Variants in MSR1 observed in about 807,000 individuals in gnomAD.
MSR1 encodes macrophage scavenger receptor types I and II.
Under a neutral mutation model 47.2 loss-of-function variants are expected in MSR1, and 53 were observed. The observed-to-expected ratio is 1.12, with a 90% CI of 0.90 to 1.41. MSR1 has a LOEUF of 1.41. MSR1 is among the 40% of genes most tolerant of loss of function. The probability of loss-of-function intolerance (pLI) is 0.00; values close to 1 mark genes in which losing one functional copy is unlikely to be tolerated. For missense variants in MSR1, 786 were observed against 546.9 expected, an observed-to-expected ratio of 1.44 and a Z score of -4.36; for synonymous variants, 239 against 185.6, an observed-to-expected ratio of 1.29 and a Z score of -2.34.
At chr8:16,150,718 A>C (rs1449410380) in intron 6 of MSR1, among the ~76,000 whole-genome samples, 2 of 152,076 alleles carry the variant, frequency 1.3e-5, no homozygotes, top group African/African-American at 4.8e-5. Flanking sequence ...AATGCAACTC[A>C]AGCAATGTAA....
At chr8:16,186,024 C>T in intron 1 of MSR1, 1 of 738,752 alleles carries the variant, frequency 1.4e-6, no homozygotes, top group Non-Finnish European at 2.2e-6. Flanking sequence ...GCAAGAAATC[C>T]ATAACCTGCC....
rs5889637 is a variant in MSR1 at position 16,186,637 on chromosome 8, C to CTT, written c.-5+5959_-5+5960dup. On this transcript the variant is annotated intron_variant, in intron 1 of 9. Transcript: ENST00000262101. ...CATCATCCCTTTCACCGTGACATTTCTTTTTTTTTTTTTTGAGACAAGGTC... is the reference window on the plus strand; with the variant it reads ...CATCATCCCTTTCACCGTGACATTTCTTTTTTTTTTTTTTTTGAGACAAGGTC... Among the ~76,000 whole-genome samples the CTT allele has an allele frequency of 9.3e-4, 133 of 143,766 alleles. 1 individual carries two copies. Among genetic ancestry groups the CTT allele is most frequent in the Middle Eastern group, 3.5e-3 (1 of 282 alleles). The allele number at this position is 143,766 out of a possible 152,430, so 94.3% of individuals were successfully genotyped here.
intron 8 of MSR1, among the ~76,000 whole-genome samples, chr8:16,122,418 C>T (rs1328384869): frequency 6.6e-6 from 1 of 152,088 alleles, no homozygotes; most frequent in Non-Finnish European, 1.5e-5. Context: ...ATATATTTAT[C>T]ATGCATGCAT....
intron 2 of MSR1, 74 bp from the exon 3 acceptor site, chr8:16,175,374 C>T (rs1428969414): frequency 8.4e-7 from 1 of 1,185,816 alleles, no homozygotes; most frequent in Non-Finnish European, 1.2e-6. Context: ...GTTTTAATCT[C>T]CAATTATATT....
intron 1 of MSR1, among the ~76,000 whole-genome samples, chr8:16,187,199 T>C (rs1802027065): frequency 6.6e-6 from 1 of 150,980 alleles, no homozygotes; most frequent in Non-Finnish European, 1.5e-5. Context: ...CTGTCTCTAC[T>C]AAAAATACAA....
chr8:16,171,427 C>T (rs1411148066), intron 3 of MSR1, among the ~76,000 whole-genome samples: 2 of 151,854 alleles, frequency 1.3e-5, no homozygotes, highest in African/African-American at 2.4e-5. Context: ...ATGTGATCTA[C>T]AATAGAGTTT....
rs1170761961 is a variant in MSR1, at chr8:16,179,899, A to G, written c.-4-1907T>C. Among the ~76,000 whole-genome samples, 3 of 142,910 alleles carry G rather than the reference A, an allele frequency of 2.1e-5. No homozygotes were observed. The East Asian group carries it at 6.9e-4, about 33-fold the overall frequency. The allele number at this position is 142,910 out of a possible 152,430, so 93.8% of individuals were successfully genotyped here. ...TGTCTCAAAAAAAAAAAAAAAAAAA[A>G]AAAAGTATTTATTTATTTATTTACT... On this transcript the variant is annotated intron_variant, in intron 1 of 9. Coordinates refer to ENST00000262101, the MANE Select transcript of MSR1 (RefSeq NM_138715.3).
chr8:16,126,611 G>A (rs1434671027), intron 8 of MSR1, among the ~76,000 whole-genome samples: 1 of 152,158 alleles, frequency 6.6e-6, no homozygotes, highest in East Asian at 1.9e-4. Context: ...TCAGATACCT[G>A]AAGAAACTGA....
At chr8:16,188,619 C>T (rs1175996085) in intron 1 of MSR1, among the ~76,000 whole-genome samples, 2 of 152,000 alleles carry the variant, frequency 1.3e-5, no homozygotes, top group Admixed American at 6.6e-5. Flanking sequence ...GGTTTTAAGT[C>T]CCACATGCAT....
chr8:16,179,588 A>C (rs1474612194), intron 1 of MSR1, among the ~76,000 whole-genome samples: 1 of 152,110 alleles, frequency 6.6e-6, no homozygotes, highest in African/African-American at 2.4e-5. Context: ...TTTTAAGAAA[A>C]TTATTTATTG....
chr8:16,157,368 T>C (rs1330163535), intron 5 of MSR1, among the ~76,000 whole-genome samples: 4 of 151,870 alleles, frequency 2.6e-5, no homozygotes, highest in East Asian at 3.9e-4. Context: ...ATCAGTATTA[T>C]TTTACAAAAT....
At position 16,168,886 on chromosome 8, in the gene MSR1, A is replaced by C. The variant is rs1430338517; in HGVS notation, c.218-16T>G. ...AGGAGTTGAGCTGTATATTTAAGTA[A>C]AAATAAACCAGTCATGGCCTGATCC... On this transcript the variant is annotated splice_polypyrimidine_tract_variant and intron_variant, in intron 3 of 9. Transcript: ENST00000262101. 2.5e-6 allele frequency: 4 copies of C among 1,609,202 alleles called. No homozygotes were observed. The South Asian group carries it at 4.4e-5, about 18-fold the overall frequency.
rs550446450 is a variant in MSR1 at position 16,191,560 on chromosome 8, G to A, written c.-5+1038C>T. ...TGAGCTTTTCTTATTTTGTTCTCAC[G>A]GAATCTTCATGAGGTACAAGTAGTA... is the stretch of plus-strand genomic sequence containing the variant. On this transcript the variant is annotated intron_variant, in intron 1 of 9. Coordinates refer to ENST00000262101, the MANE Select transcript of MSR1 (RefSeq NM_138715.3). Among the ~76,000 whole-genome samples the A allele has an allele frequency of 1.7e-4, 25 of 147,444 alleles. No individual in the cohort carries two copies. The South Asian group carries it at 3.8e-3, about 22-fold the overall frequency.
intron 5 of MSR1, among the ~76,000 whole-genome samples, chr8:16,160,519 C>G (rs1218004837): frequency 6.6e-6 from 1 of 151,970 alleles, no homozygotes; most frequent in East Asian, 1.9e-4. Context: ...AGCTCACATT[C>G]TGCTGGAGAA....
At chr8:16,162,180 C>G (rs981113183) in intron 5 of MSR1, among the ~76,000 whole-genome samples, 1 of 151,896 alleles carries the variant, frequency 6.6e-6, no homozygotes, top group Non-Finnish European at 1.5e-5. Flanking sequence ...GAATGACAAA[C>G]AGATTGGTGG....
intron 8 of MSR1, among the ~76,000 whole-genome samples, chr8:16,138,516 GAA>G (rs1800447093): frequency 6.6e-6 from 1 of 152,114 alleles, no homozygotes; most frequent in African/African-American, 2.4e-5. Context: ...TCCCTAATTT[GAA>G]AAGTTTGGAT....
intron 7 of MSR1, among the ~76,000 whole-genome samples, chr8:16,149,350 T>C (rs967938071): frequency 7.2e-5 from 11 of 152,240 alleles, no homozygotes; most frequent in African/African-American, 2.4e-4. Context: ...AAATAAAATG[T>C]AGTTTAAAAA....
intron 5 of MSR1, among the ~76,000 whole-genome samples, chr8:16,156,902 C>G (rs1489964698): frequency 4.0e-5 from 6 of 151,838 alleles, no homozygotes; most frequent in African/African-American, 4.8e-5. Flanking sequence ...TAGTACTTCC[C>G]AAGAAAATGG....
chr8:16,134,927 A>G (rs905697847), intron 8 of MSR1, among the ~76,000 whole-genome samples: 2 of 152,200 alleles, frequency 1.3e-5, no homozygotes, highest in African/African-American at 2.4e-5. Context: ...GCAAGGCTCT[A>G]CCTCTCTTCA....
Sources: gnomAD v4.1 joint callset for allele counts (sites outside exome capture counted in the v4.1 genomes callset) on GRCh38, gnomAD v4.1.1 for gene constraint, MANE v1.5 for transcripts, NCBI Gene and HGNC (gene_info 2026-07-23, HGNC 2026-07-21) for gene names.